CAMK1D: variants seen among roughly 807,000 people sequenced by gnomAD.
CAMK1D encodes calcium/calmodulin dependent protein kinase ID.
In CAMK1D, 9 loss-of-function variants were observed where a neutral mutation model predicts 47.7. The ratio of observed to expected loss-of-function variants is 0.19; its 90% CI spans 0.11 to 0.33. The LOEUF is 0.33. Ranked by LOEUF, CAMK1D falls within the 10% of genes least tolerant of loss-of-function variation. CAMK1D has a pLI of 1.00. For synonymous variants in CAMK1D, 184 were observed against 184.9 expected, an observed-to-expected ratio of 0.99 and a Z score of 0.04; for missense variants, 291 against 488.7, an observed-to-expected ratio of 0.60 and a Z score of 3.81.
At chr10:12,464,683 C>T (rs2724797) in intron 1 of CAMK1D, among the ~76,000 whole-genome samples, 2,751 of 152,026 alleles carry the variant, frequency 0.018, 81 homozygotes, top group African/African-American at 0.062. Context: ...GGTGTGGTGG[C>T]GGGTACCTGT....
At chr10:12,444,136 C>T (rs1182102925) in intron 1 of CAMK1D, among the ~76,000 whole-genome samples, 4 of 152,110 alleles carry the variant, frequency 2.6e-5, no homozygotes, top group East Asian at 1.9e-4. Context: ...TTTGGCCAGC[C>T]GGCTTCTTTA....
At chr10:12,647,360 G>T (rs2132501406) in intron 2 of CAMK1D, among the ~76,000 whole-genome samples, 1 of 151,826 alleles carries the variant, frequency 6.6e-6, no homozygotes, top group Admixed American at 6.6e-5. Context: ...TGTTGGCCAG[G>T]CTGGTCTCGA....
At chr10:12,484,947 C>G (rs928137613) in intron 1 of CAMK1D, among the ~76,000 whole-genome samples, 1 of 152,084 alleles carries the variant, frequency 6.6e-6, no homozygotes, top group Non-Finnish European at 1.5e-5. Flanking sequence ...TTCTTCCCTT[C>G]TCCTCCTACC....
At chr10:12,546,839 A>G (rs1436762830) in intron 1 of CAMK1D, among the ~76,000 whole-genome samples, 3 of 152,062 alleles carry the variant, frequency 2.0e-5, no homozygotes, top group Non-Finnish European at 4.4e-5. Context: ...GGATAGCATT[A>G]GGAGATATAC....
At chr10:12,626,766 C>G (rs755429871) in intron 2 of CAMK1D, among the ~76,000 whole-genome samples, 19 of 152,112 alleles carry the variant, frequency 1.2e-4, no homozygotes, top group Non-Finnish European at 2.4e-4. Flanking sequence ...TGAGCCACTG[C>G]ACCCAGCCTA....
intron 1 of CAMK1D, among the ~76,000 whole-genome samples, chr10:12,425,284 CTTT>C (rs778105667): frequency 7.1e-6 from 1 of 140,946 alleles, no homozygotes; most frequent in Admixed American, 7.2e-5. Context: ...TTCTTTCTTT[CTTT>C]TTTTTTTTTT....
At chr10:12,618,023 CTATT>C (rs1174551787) in intron 2 of CAMK1D, among the ~76,000 whole-genome samples, 1 of 152,082 alleles carries the variant, frequency 6.6e-6, no homozygotes, top group African/African-American at 2.4e-5. Context: ...AATGCTGTCA[CTATT>C]TACGTAATCA....
At chr10:12,691,207 C>G (rs1832863995) in intron 3 of CAMK1D, among the ~76,000 whole-genome samples, 1 of 151,474 alleles carries the variant, frequency 6.6e-6, no homozygotes, top group Non-Finnish European at 1.5e-5. Flanking sequence ...GGTGGGTGAG[C>G]TTTCTAGAAA....
intron 6 of CAMK1D, among the ~76,000 whole-genome samples, chr10:12,813,366 A>G (rs971967281): frequency 2.0e-5 from 3 of 152,242 alleles, no homozygotes; most frequent in Non-Finnish European, 4.4e-5. Flanking sequence ...ACTCAACGTC[A>G]TAAAATTTCA....
chr10:12,639,043 T>A (rs17580329), intron 2 of CAMK1D, among the ~76,000 whole-genome samples: 1 of 152,268 alleles, frequency 6.6e-6, no homozygotes, highest in African/African-American at 2.4e-5. Context: ...AATACATAGC[T>A]CATTCCTGGG....
chr10:12,776,600 T>C (rs1484969103), intron 5 of CAMK1D, among the ~76,000 whole-genome samples: 1 of 152,132 alleles, frequency 6.6e-6, no homozygotes, highest in East Asian at 1.9e-4. Flanking sequence ...TCAGAATGTG[T>C]GTTTCTGTTT....
At chr10:12,451,339 G>A (rs540959971) in intron 1 of CAMK1D, among the ~76,000 whole-genome samples, 1 of 152,298 alleles carries the variant, frequency 6.6e-6, no homozygotes, top group South Asian at 2.1e-4. Context: ...ATCCCCTCCT[G>A]GCCAGCTGGG....
intron 3 of CAMK1D, among the ~76,000 whole-genome samples, chr10:12,731,451 C>T (rs969797318): frequency 6.6e-6 from 1 of 152,038 alleles, no homozygotes; most frequent in African/African-American, 2.4e-5. Flanking sequence ...TGAAAGTGAG[C>T]GGACTAGAGA....
chr10:12,655,459 A>G (rs944417189), intron 2 of CAMK1D, among the ~76,000 whole-genome samples: 5 of 152,254 alleles, frequency 3.3e-5, no homozygotes, highest in Admixed American at 3.3e-4. Context: ...CATGGATGGT[A>G]ACAGAAATAG....
At chr10:12,740,963 A>G (rs948160442) in intron 3 of CAMK1D, among the ~76,000 whole-genome samples, 1 of 152,190 alleles carries the variant, frequency 6.6e-6, no homozygotes, top group African/African-American at 2.4e-5. Flanking sequence ...TCCTTAAGCA[A>G]GGCAATTTCA....
intron 6 of CAMK1D, among the ~76,000 whole-genome samples, chr10:12,794,421 T>G (rs369068877): frequency 1.3e-5 from 2 of 152,128 alleles, no homozygotes; most frequent in Non-Finnish European, 2.9e-5. Context: ...CACTGAGTAG[T>G]GTATGCACGT....
At chr10:12,663,696 A>G (rs1840345225) in intron 2 of CAMK1D, among the ~76,000 whole-genome samples, 1 of 152,186 alleles carries the variant, frequency 6.6e-6, no homozygotes, top group South Asian at 2.1e-4. Context: ...TATTGAATGA[A>G]TAATGAAAAG....
At chr10:12,782,654 C>T (rs189817915) in intron 5 of CAMK1D, among the ~76,000 whole-genome samples, 40 of 152,306 alleles carry the variant, frequency 2.6e-4, no homozygotes, top group Admixed American at 2.2e-3. Flanking sequence ...GGCATCGCTT[C>T]GTCCCACTTC....
At chr10:12,361,290 A>G (rs1019846658) in intron 1 of CAMK1D, among the ~76,000 whole-genome samples, 3 of 140,946 alleles carry the variant, frequency 2.1e-5, no homozygotes, top group African/African-American at 5.3e-5. Flanking sequence ...TCTGTCACCC[A>G]GGCAGGAGTG....
Sources: gnomAD v4.1 joint callset for allele counts (sites outside exome capture counted in the v4.1 genomes callset) on GRCh38, gnomAD v4.1.1 for gene constraint, MANE v1.5 for transcripts, NCBI Gene and HGNC (gene_info 2026-07-23, HGNC 2026-07-21) for gene names.